The following P2RX7 variants were observed in gnomAD, a reference collection of about 807,000 sequenced individuals.
P2RX7 encodes the protein purinergic receptor P2X 7, also known as P2X purinoceptor 7.
P2RX7 carries 62 observed loss-of-function variants against 71.6 expected under a neutral mutation model. The ratio of observed to expected loss-of-function variants is 0.87; its 90% CI spans 0.71 to 1.07. P2RX7 has a LOEUF of 1.07. P2RX7 is among the 50% of genes least tolerant of loss of function. The pLI, the probability that P2RX7 is intolerant of heterozygous loss-of-function variation, is 0.00. For missense variants in P2RX7, 686 were observed against 748.5 expected (o/e 0.92, Z 0.97); for synonymous variants, 299 against 283.3 (o/e 1.06, Z -0.56).
intron 11 of P2RX7, among the ~76,000 whole-genome samples, chr12:121,178,185 C>T (rs373373255): frequency 6.6e-6 from 1 of 152,070 alleles, no homozygotes; most frequent in Non-Finnish European, 1.5e-5. Flanking sequence ...CATGAGTACC[C>T]GCAGTACATG....
chr12:121,144,540 A>C (rs1875726258), intron 1 of P2RX7, among the ~76,000 whole-genome samples: 1 of 152,236 alleles, frequency 6.6e-6, no homozygotes, highest in African/African-American at 2.4e-5. Context: ...TGACTCAGAA[A>C]GATTAAGTCA....
At chr12:121,139,231 C>T (rs777969295) in intron 1 of P2RX7, among the ~76,000 whole-genome samples, 7 of 152,188 alleles carry the variant, frequency 4.6e-5, no homozygotes, top group Non-Finnish European at 5.9e-5. Context: ...CGTGAGCCAC[C>T]GCACCCGGCT....
intron 12 of P2RX7, among the ~76,000 whole-genome samples, chr12:121,181,278 A>G (rs993836363): frequency 6.6e-6 from 1 of 152,180 alleles, no homozygotes; most frequent in African/African-American, 2.4e-5. Context: ...CTGTTTTATA[A>G]ATATCCAACT....
chr12:121,180,760 C>T (rs992189866), intron 12 of P2RX7, among the ~76,000 whole-genome samples: 5 of 151,950 alleles, frequency 3.3e-5, no homozygotes, highest in Non-Finnish European at 5.9e-5. Flanking sequence ...GTCAGGAGTT[C>T]GAGACCAACC....
chr12:121,155,083 T>A, intron 2 of P2RX7, 130 bp downstream of exon 2: 1 of 1,488,532 alleles, frequency 6.7e-7, no homozygotes, highest in East Asian at 2.3e-5. Context: ...TCTGTGAACA[T>A]CCCAACTGAG....
rs1404367746 is a variant in P2RX7, at chr12:121,154,412, T to C, written c.126-373T>C. Among the ~76,000 whole-genome samples the C allele has an allele frequency of 6.6e-6, 1 of 152,168 alleles. No homozygotes were observed. The highest frequency in any genetic ancestry group is 1.5e-5 in the Non-Finnish European group (1 of 68,040). ...AGACTGGAAGGTGCTGATGTGTTAC[T>C]GAGCCTCCAGACAAAGCTGGCGAAC... On this transcript the variant is annotated intron_variant, in intron 1 of 12. Transcript: ENST00000328963. This position sits in a 1 kb window ranked among gnomAD's most constrained non-coding sequence, Gnocchi z 4.2.
chr12:121,149,891 T>C lies in P2RX7; in HGVS notation c.126-4894T>C, dbSNP rs181284865. Among the ~76,000 whole-genome samples the C allele has an allele frequency of 2.3e-3, 346 of 152,252 alleles. 2 individuals are homozygous for C. The highest frequency in any genetic ancestry group is 7.8e-3 in the African/African-American group (322 of 41,546). ...CCACAACTTACCCATCCTCCCCGGC[T>C]CAGTGAAATCCCTAGGTCCTTCACA... On this transcript the variant is annotated intron_variant, in intron 1 of 12. Coordinates refer to ENST00000328963, the MANE Select transcript of P2RX7 (RefSeq NM_002562.6). The surrounding 1 kb of genome is among the most constrained non-coding windows in gnomAD (Gnocchi z 4.7).
At chr12:121,167,818 T>A (rs1221489969) in intron 8 of P2RX7, among the ~76,000 whole-genome samples, 194 bp downstream of exon 8, 1 of 135,616 alleles carries the variant, frequency 7.4e-6, no homozygotes, top group African/African-American at 3.3e-5. Context: ...TTTTTACTTA[T>A]TTTTTTTTTT....
At chr12:121,152,428 A>C (rs896813240) in intron 1 of P2RX7, among the ~76,000 whole-genome samples, 1 of 152,178 alleles carries the variant, frequency 6.6e-6, no homozygotes, top group Non-Finnish European at 1.5e-5. Context: ...TCCCGGGCCC[A>C]AGCAATCCTC....
intron 4 of P2RX7, chr12:121,162,148 C>T: frequency 1.0e-6 from 1 of 959,950 alleles, no homozygotes; most frequent in Non-Finnish European, 1.4e-6. Context: ...GTTCCGCTCC[C>T]CTCATGGGCA....
At chr12:121,176,903 G>A (rs2136142537) in intron 9 of P2RX7, among the ~76,000 whole-genome samples, 1 of 152,130 alleles carries the variant, frequency 6.6e-6, no homozygotes, top group African/African-American at 2.4e-5. Flanking sequence ...TCCCCTTAAT[G>A]TGTGGGCCCC....
At chr12:121,163,762 T>C (rs1215110029) in intron 5 of P2RX7, among the ~76,000 whole-genome samples, 2 of 152,154 alleles carry the variant, frequency 1.3e-5, no homozygotes, top group African/African-American at 4.8e-5. Context: ...CCAGCCTGAA[T>C]TTTTAATTAA....
chr12:121,162,532 G>A lies in P2RX7; in HGVS notation c.533+12G>A. 2.5e-6 allele frequency: 4 copies of A among 1,611,194 alleles called. No individual in the cohort carries two copies. The highest frequency in any genetic ancestry group is 1.7e-4 in the Middle Eastern group (1 of 6,012). On this transcript the variant is annotated intron_variant, in intron 5 of 12. Coordinates refer to ENST00000328963, the MANE Select transcript of P2RX7 (RefSeq NM_002562.6). ...GAAGAGGCCCCCCGGTGAGTCGCAT[G>A]GGGAGACAGACACAGTGGCCCTCAG...
intron 8 of P2RX7, among the ~76,000 whole-genome samples, chr12:121,172,065 G>A (rs1056749610): frequency 2.6e-5 from 4 of 151,884 alleles, no homozygotes; most frequent in African/African-American, 9.7e-5. Context: ...GTTTCACCAT[G>A]TTAGCCAGGA....
At chr12:121,163,600 GATA>G (rs1236646933) in intron 5 of P2RX7, among the ~76,000 whole-genome samples, 2 of 2,114 alleles carry the variant, frequency 9.5e-4, no homozygotes, top group Non-Finnish European at 1.5e-3. Flanking sequence ...TAGACAGGTA[GATA>G]GATAGATAGA....
chr12:121,176,228 AACACACACACACACACACACACAC>A (rs56222751), intron 9 of P2RX7, among the ~76,000 whole-genome samples: 1 of 140,752 alleles, frequency 7.1e-6, no homozygotes, highest in Non-Finnish European at 1.5e-5. Context: ...CAGCCCCTTC[AACACACACACACACACACACACAC>A]ACACACACAC....
chr12:121,153,432 CT>C (rs1489888431), intron 1 of P2RX7, among the ~76,000 whole-genome samples: 5 of 151,730 alleles, frequency 3.3e-5, no homozygotes, highest in Non-Finnish European at 5.9e-5. Flanking sequence ...AATCCCAGCA[CT>C]TTGGGAGGCC....
Position 121,184,631 on chromosome 12 carries a change from T to C in P2RX7, c.1617T>C (p.Asp539=). 6.2e-7 allele frequency: 1 copy of C among 1,610,436 alleles called. No homozygotes were observed. Among genetic ancestry groups the C allele is most frequent in the Non-Finnish European group, 8.5e-7 (1 of 1,178,600 alleles). ...YQEPLLALDV[D]STNSRLRHCA... Reference sequence around the variant, plus strand: ...AGCCCTTGCTGGCGCTGGATGTGGATTCCACCAACAGCCGGCTGCGGCACT... The same window carrying C: ...AGCCCTTGCTGGCGCTGGATGTGGACTCCACCAACAGCCGGCTGCGGCACT... The change falls in exon 13 of 13, where the codon GAT becomes GAC. Residue 539 remains aspartate (D), a synonymous_variant. Transcript: ENST00000328963.
intron 1 of P2RX7, among the ~76,000 whole-genome samples, chr12:121,147,544 G>T (rs1402709115): frequency 6.6e-6 from 1 of 152,174 alleles, no homozygotes; most frequent in Non-Finnish European, 1.5e-5. Flanking sequence ...TGAACCATAT[G>T]GAACTGCCTA....
Sources: allele counts gnomAD v4.1 joint callset (sites outside exome capture counted in the v4.1 genomes callset), GRCh38; gene constraint gnomAD v4.1.1; non-coding constraint Gnocchi (gnomAD v3.1); transcripts MANE v1.5; gene names NCBI Gene and HGNC (gene_info 2026-07-23, HGNC 2026-07-21).